FAM135A: variants seen among roughly 807,000 people sequenced by gnomAD.
FAM135A encodes protein FAM135A.
A neutral mutation model predicts 146.8 loss-of-function variants in FAM135A; 79 were observed. The observed-to-expected ratio is 0.54, with a 90% confidence interval of 0.45 to 0.65. The LOEUF (loss-of-function observed/expected upper bound fraction) is 0.65, where lower values mean the gene tolerates loss of function less well. FAM135A is among the 30% of genes least tolerant of loss of function. The pLI is 0.00. For synonymous variants in FAM135A, 562 were observed against 603.6 expected, an observed-to-expected ratio of 0.93 and a Z score of 1.01; for missense variants, 1,623 against 1,758.2, an observed-to-expected ratio of 0.92 and a Z score of 1.38.
At chr6:70,556,566 CAGTG>C in intron 20 of FAM135A, 180 bp from the exon 21 acceptor site, 1 of 509,030 alleles carries the variant, frequency 2.0e-6, no homozygotes, top group Non-Finnish European at 3.5e-6. Context: ...GACTACATAA[CAGTG>C]AGGTGGGTTT....
In FAM135A at chr6:70,525,117, C is replaced by G. The variant is rs1446914749; in HGVS notation, c.2033C>G (p.Pro678Arg). 1.3e-6 allele frequency: 2 copies of G among 1,566,256 alleles called. No individual in the cohort carries two copies. The highest frequency in any genetic ancestry group is 1.7e-6 in the Non-Finnish European group (2 of 1,161,526). Reference sequence around the variant, plus strand: ...GAGAATATAACTGTCAAACTAGGACCTTGGACAGAGCTTCGACAAGAGGAA... The same window carrying G: ...GAGAATATAACTGTCAAACTAGGACGTTGGACAGAGCTTCGACAAGAGGAA... ...SGENITVKLGPWTELRQEEIL... is the reference protein window; with the variant it reads ...SGENITVKLGRWTELRQEEIL... Residue 678 changes from proline (P) to arginine (R), a missense_variant, in exon 15 of 22, where the codon CCT (proline) becomes CGT (arginine). Physicochemically the swap from Pro to Arg is moderately radical, Grantham distance 103. This residue lies in a region of FAM135A where 1,061 missense variants were observed against 1,113.8 expected (regional missense o/e 0.95). Coordinates refer to ENST00000418814, the MANE Select transcript of FAM135A (RefSeq NM_001162529.3).
At chr6:70,463,999 T>C (rs1365704409) in intron 5 of FAM135A, among the ~76,000 whole-genome samples, 5 of 152,228 alleles carry the variant, frequency 3.3e-5, no homozygotes, top group Admixed American at 1.3e-4. Flanking sequence ...TTTATTTGAA[T>C]GTTTCTATCC....
intron 8 of FAM135A, among the ~76,000 whole-genome samples, chr6:70,480,367 C>G (rs749672205): frequency 6.6e-6 from 1 of 151,862 alleles, no homozygotes; most frequent in African/African-American, 2.4e-5. Flanking sequence ...CTGCTAGGGA[C>G]TTGAATAATA....
At chr6:70,477,451 C>G (rs550250991) in intron 8 of FAM135A, 119 bp downstream of exon 8, 1 of 1,069,792 alleles carries the variant, frequency 9.3e-7, no homozygotes, top group South Asian at 1.9e-5. Flanking sequence ...TCAGGCTGTA[C>G]AGGAAGCATG....
chr6:70,520,550 G>T (rs1793335642), intron 12 of FAM135A, among the ~76,000 whole-genome samples: 1 of 152,008 alleles, frequency 6.6e-6, no homozygotes, highest in African/African-American at 2.4e-5. Context: ...TGAATGCTTG[G>T]CTGTCTTCCT....
At chr6:70,536,514 GAAA>G in intron 19 of FAM135A, 103 bp downstream of exon 19, 1 of 888,394 alleles carries the variant, frequency 1.1e-6, no homozygotes, top group Non-Finnish European at 1.5e-6. Context: ...TCACATACTG[GAAA>G]TTTCGTGAAA....
Position 70,452,486 on chromosome 6 carries a change from C to A in FAM135A, c.78-6C>A. On this transcript the variant is annotated splice_region_variant and splice_polypyrimidine_tract_variant and intron_variant, in intron 4 of 21. Coordinates refer to ENST00000418814, the MANE Select transcript of FAM135A (RefSeq NM_001162529.3). ...TGAAATAACTTCCTTGTTTATTTTG[C>A]TTTAGTTTTTACCAGATTCGTGCTT... 6.3e-7 allele frequency: 1 copy of A among 1,590,606 alleles called. No individual in the cohort carries two copies. The highest frequency in any genetic ancestry group is 8.5e-7 in the Non-Finnish European group (1 of 1,171,486).
chr6:70,451,828 G>C (rs534912605), intron 4 of FAM135A, among the ~76,000 whole-genome samples: 9 of 151,330 alleles, frequency 5.9e-5, no homozygotes, highest in Non-Finnish European at 1.3e-4. Flanking sequence ...TGTGTGTATA[G>C]GTGTATGTAT....
chr6:70,505,853 G>A (rs1482212465), intron 12 of FAM135A, among the ~76,000 whole-genome samples: 2 of 151,992 alleles, frequency 1.3e-5, no homozygotes, highest in Non-Finnish European at 2.9e-5. Flanking sequence ...GTAGTAAACA[G>A]GATCCATGTA....
In FAM135A at chr6:70,526,356, A is replaced by T. The variant is rs1325317403; in HGVS notation, c.3272A>T (p.Asp1091Val). The T allele has an allele frequency of 6.2e-7, 1 of 1,613,662 alleles. No individual in the cohort carries two copies. The highest frequency in any genetic ancestry group is 8.5e-7 in the Non-Finnish European group (1 of 1,179,728). The change falls in exon 15 of 22, where the codon GAT (aspartate) becomes GTT (valine). Residue 1091 changes from aspartate to valine, a missense_variant. This residue lies in a region of FAM135A where 1,061 missense variants were observed against 1,113.8 expected (regional missense o/e 0.95). Coordinates refer to ENST00000418814, the MANE Select transcript of FAM135A (RefSeq NM_001162529.3). ...AAAGAGGATGAGGAGGAAGAGCAGGATCAACAAATGGTTCAAAATGGGTAC... is the reference window on the plus strand; with the variant it reads ...AAAGAGGATGAGGAGGAAGAGCAGGTTCAACAAATGGTTCAAAATGGGTAC... The part of the protein sequence containing the change: ...QDKEDEEEEQ[D>V]QQMVQNGYYE...
chr6:70,533,774 T>C lies in FAM135A; in HGVS notation c.3885T>C (p.Asp1295=), dbSNP rs773509764. 5.0e-6 allele frequency: 8 copies of C among 1,585,604 alleles called. No homozygotes were observed. The highest frequency in any genetic ancestry group is 3.6e-5 in the Admixed American group (2 of 55,172). Residue 1295 remains aspartate (D), a synonymous_variant, in exon 18 of 22, where the codon GAT becomes GAC. Coordinates refer to ENST00000418814, the MANE Select transcript of FAM135A (RefSeq NM_001162529.3). ...CTTTTTAGAATGATACTTTTGCTGA[T>C]TTTGATAGCATGACTGATCGTCTTT... The part of the protein sequence containing the change: ...SERNQNDTFA[D]FDSMTDRLLD...
intron 20 of FAM135A, among the ~76,000 whole-genome samples, chr6:70,539,852 C>T (rs1329191009): frequency 1.3e-5 from 2 of 151,950 alleles, no homozygotes; most frequent in Admixed American, 6.6e-5. Flanking sequence ...AAAAATTAGC[C>T]AGGCGTGGTG....
chr6:70,499,255 T>A (rs1787980320), intron 11 of FAM135A, among the ~76,000 whole-genome samples: 1 of 152,222 alleles, frequency 6.6e-6, no homozygotes, highest in Admixed American at 6.5e-5. Context: ...TTTTTATGTT[T>A]GTTGGTTTAC....
intron 20 of FAM135A, among the ~76,000 whole-genome samples, chr6:70,540,032 G>A (rs1797574654): frequency 6.6e-6 from 1 of 152,138 alleles, no homozygotes; most frequent in Non-Finnish European, 1.5e-5. Flanking sequence ...TTTGTAACAT[G>A]ATTATGTTTG....
At chr6:70,555,795 C>A (rs1800724580) in intron 20 of FAM135A, among the ~76,000 whole-genome samples, 1 of 151,874 alleles carries the variant, frequency 6.6e-6, no homozygotes, top group Non-Finnish European at 1.5e-5. Context: ...CAATTAACTT[C>A]TATAATAGAT....
At position 70,482,212 on chromosome 6, in the gene FAM135A, A is replaced by G. The variant is rs866347079; in HGVS notation, c.823+58A>G. The G allele has an allele frequency of 1.2e-5, 19 of 1,531,132 alleles. No homozygotes were observed. In the African/African-American group the frequency reaches 1.5e-4, roughly 12 times the overall value. The allele number at this position is 1,531,132 out of a possible 1,614,324, so 94.8% of individuals were successfully genotyped here. On this transcript the variant is annotated intron_variant, in intron 10 of 21. Coordinates refer to ENST00000418814, the MANE Select transcript of FAM135A (RefSeq NM_001162529.3). ...TTCAAATCATTCTCTTCAGTCTTAT[A>G]TTGCTAGCTATCAGCTTTGCCATAG...
intron 20 of FAM135A, among the ~76,000 whole-genome samples, chr6:70,552,125 A>G (rs1295189130): frequency 6.6e-6 from 1 of 152,196 alleles, no homozygotes; most frequent in Non-Finnish European, 1.5e-5. Flanking sequence ...TGAAAAAGTT[A>G]AACCTTTTAA....
chr6:70,545,066 CA>C (rs1397919785), intron 20 of FAM135A, among the ~76,000 whole-genome samples: 1 of 150,750 alleles, frequency 6.6e-6, no homozygotes, highest in African/African-American at 2.4e-5. Flanking sequence ...AAAAAACAAA[CA>C]AAAACAAACA....
chr6:70,418,059 G>A (rs750697670), intron 2 of FAM135A, among the ~76,000 whole-genome samples: 1 of 151,990 alleles, frequency 6.6e-6, no homozygotes, highest in Non-Finnish European at 1.5e-5. Flanking sequence ...ATGCAATATG[G>A]CATATGGCTG....
Sources: gnomAD v4.1 joint callset for allele counts (sites outside exome capture counted in the v4.1 genomes callset) on GRCh38, gnomAD v4.1.1 for gene constraint, gnomAD v4.1.1 regional missense constraint, MANE v1.5 for transcripts, NCBI Gene and HGNC (gene_info 2026-07-23, HGNC 2026-07-21) for gene names.